Variants in PLCE1 observed in about 807,000 individuals in gnomAD.
The protein encoded by PLCE1 is 1-phosphatidylinositol 4,5-bisphosphate phosphodiesterase epsilon-1.
A neutral mutation model predicts 242.8 loss-of-function variants in PLCE1; 119 were observed. That is an observed-to-expected ratio of 0.49 (90% CI 0.42 to 0.57). The LOEUF is 0.57. Ranked by LOEUF, PLCE1 falls within the 20% of genes least tolerant of loss-of-function variation. The pLI is 0.00. For synonymous variants in PLCE1, 945 were observed against 1,017.4 expected, an observed-to-expected ratio of 0.93 and a Z score of 1.35; for missense variants, 2,441 against 2,788.8, an observed-to-expected ratio of 0.88 and a Z score of 2.81.
chr10:94,064,597 G>T (rs2044149209), intron 2 of PLCE1, among the ~76,000 whole-genome samples: 1 of 152,134 alleles, frequency 6.6e-6, no homozygotes, highest in African/African-American at 2.4e-5. Flanking sequence ...TGGGTTTCAG[G>T]TCCCAGCCTC....
At chr10:94,104,375 A>G (rs2045651062) in intron 2 of PLCE1, 1 of 152,324 alleles carries the variant, frequency 6.6e-6, no homozygotes, top group South Asian at 2.1e-4. Context: ...AGTGTTGCCA[A>G]TTTCTTCTGA....
chr10:94,289,177 C>A (rs1378283542), intron 22 of PLCE1, among the ~76,000 whole-genome samples: 1 of 152,118 alleles, frequency 6.6e-6, no homozygotes, highest in Non-Finnish European at 1.5e-5. Context: ...CGGTGCCTCC[C>A]AATATCTTGC....
intron 1 of PLCE1, among the ~76,000 whole-genome samples, chr10:94,008,238 T>TC (rs1554838040): frequency 1.4e-4 from 20 of 147,252 alleles, no homozygotes; most frequent in Non-Finnish European, 1.5e-5. Flanking sequence ...CTGAAAATCT[T>TC]CAGGTAAATT....
chr10:94,045,382 C>T (rs761055603), intron 2 of PLCE1, among the ~76,000 whole-genome samples: 1 of 152,140 alleles, frequency 6.6e-6, no homozygotes, highest in Non-Finnish European at 1.5e-5. Context: ...GTGATCTTTC[C>T]GCCTTGACCT....
At chr10:94,157,361 T>G (rs1319889598) in intron 3 of PLCE1, among the ~76,000 whole-genome samples, 1 of 152,186 alleles carries the variant, frequency 6.6e-6, no homozygotes, top group Admixed American at 6.5e-5. Flanking sequence ...TTTTTCTTGT[T>G]TTAATTTCCC....
intron 2 of PLCE1, among the ~76,000 whole-genome samples, chr10:94,131,923 T>C (rs2135904298): frequency 6.6e-6 from 1 of 152,308 alleles, no homozygotes; most frequent in East Asian, 1.9e-4. Flanking sequence ...TTCTGGTTGG[T>C]ATGACTTGTA....
chr10:94,194,672 T>C (rs1371964680), intron 4 of PLCE1, among the ~76,000 whole-genome samples: 3 of 152,226 alleles, frequency 2.0e-5, no homozygotes, highest in Non-Finnish European at 4.4e-5. Flanking sequence ...TTCCTAACTA[T>C]TGTATTCTTC....
At chr10:94,296,522 C>T (rs540940205) in intron 23 of PLCE1, among the ~76,000 whole-genome samples, 5 of 152,254 alleles carry the variant, frequency 3.3e-5, no homozygotes, top group South Asian at 4.1e-4. Flanking sequence ...ATGAACCAAC[C>T]TCTGCTAGCC....
chr10:94,130,899 G>A (rs2046580204), intron 2 of PLCE1, among the ~76,000 whole-genome samples: 1 of 152,200 alleles, frequency 6.6e-6, no homozygotes, highest in South Asian at 2.1e-4. Flanking sequence ...GCAGGGCAGT[G>A]AGAGTCTTCT....
chr10:94,078,093 G>C (rs372680068), intron 2 of PLCE1, among the ~76,000 whole-genome samples: 1 of 152,152 alleles, frequency 6.6e-6, no homozygotes, highest in Non-Finnish European at 1.5e-5. Context: ...ATCTTTATTT[G>C]ATTATGGGTT....
chr10:94,305,426 C>T (rs1454162222), intron 25 of PLCE1, among the ~76,000 whole-genome samples: 3 of 152,204 alleles, frequency 2.0e-5, no homozygotes, highest in East Asian at 3.8e-4. Context: ...CAGAGTGAGA[C>T]TCCGTTTCAA....
intron 7 of PLCE1, among the ~76,000 whole-genome samples, chr10:94,245,230 C>T (rs1303782994): frequency 6.6e-6 from 1 of 152,136 alleles, no homozygotes; most frequent in Non-Finnish European, 1.5e-5. Flanking sequence ...ATTACTTTCC[C>T]TTTCTGAACC....
At chr10:94,201,595 C>T (rs2048987949) in intron 4 of PLCE1, among the ~76,000 whole-genome samples, 1 of 152,188 alleles carries the variant, frequency 6.6e-6, no homozygotes, top group Non-Finnish European at 1.5e-5. Flanking sequence ...CCCGCCTCAG[C>T]CTCCTGAGTA....
At chr10:94,138,431 A>T (rs1181656773) in intron 3 of PLCE1, 1 of 414,906 alleles carries the variant, frequency 2.4e-6, no homozygotes, top group East Asian at 6.4e-5. Flanking sequence ...TTATGCTATT[A>T]ACCACCCACT....
chr10:94,084,312 C>T (rs2044738751), intron 2 of PLCE1, among the ~76,000 whole-genome samples: 1 of 152,160 alleles, frequency 6.6e-6, no homozygotes, highest in Non-Finnish European at 1.5e-5. Context: ...GCCGTTTCCC[C>T]TAAGGAAGGG....
chr10:94,138,338 A>T (rs956289447), intron 3 of PLCE1: 4 of 385,232 alleles, frequency 1.0e-5, no homozygotes, highest in Middle Eastern at 6.3e-4. Context: ...AGACTGGGTC[A>T]TGACTGTGTC....
chr10:94,117,894 T>C (rs1485964149), intron 2 of PLCE1, among the ~76,000 whole-genome samples: 1 of 152,198 alleles, frequency 6.6e-6, no homozygotes. Context: ...CTCTTAAGTC[T>C]ACTTTTTATA....
In PLCE1 at chr10:94,279,558, T is replaced by C. The variant is rs1394998669; in HGVS notation, c.4666-224T>C. The C allele has an allele frequency of 8.8e-6, 5 of 567,810 alleles. No individual in the cohort carries two copies. In the Admixed American group the frequency reaches 1.5e-4, roughly 16 times the overall value. The allele number at this position is 567,810 out of a possible 1,614,324, so 35.2% of individuals were successfully genotyped here. A position where few individuals can be genotyped will look rare whatever the true frequency, so the allele number is the denominator to read the frequency against. On this transcript the variant is annotated intron_variant, in intron 19 of 32. Transcript: ENST00000371380. ...GGCACTGCACACAGTCTTCTGGAGA[T>C]TGTTTATAAAAGCTCCAGGATTCTT...
intron 1 of PLCE1, among the ~76,000 whole-genome samples, chr10:93,995,334 CTCTAAAG>C (rs1241480798): frequency 2.0e-5 from 3 of 152,232 alleles, no homozygotes; most frequent in Non-Finnish European, 4.4e-5. Flanking sequence ...ACATCCACCA[CTCTAAAG>C]TCTAACCATC....
Sources: gnomAD v4.1 joint callset for allele counts (sites outside exome capture counted in the v4.1 genomes callset) on GRCh38, gnomAD v4.1.1 for gene constraint, MANE v1.5 for transcripts, NCBI Gene and HGNC (gene_info 2026-07-23, HGNC 2026-07-21) for gene names.